Variants in PKD1L3 observed in about 807,000 individuals in gnomAD.
PKD1L3 encodes polycystin 1 like 3, transient receptor potential channel interacting.
Under a neutral mutation model 184.1 loss-of-function variants are expected in PKD1L3, and 239 were observed. The observed-to-expected ratio is 1.30, with a 90% CI of 1.17 to 1.45. The LOEUF (loss-of-function observed/expected upper bound fraction) is 1.45, where lower values mean the gene tolerates loss of function less well. Among genes scored for constraint, PKD1L3 ranks in the 40% most tolerant of loss-of-function variants. The pLI is 0.00. For missense variants in PKD1L3, 2,660 were observed against 2,067.2 expected (o/e 1.29, Z -5.56); for synonymous variants, 996 against 778.8 (o/e 1.28, Z -4.64).
chr16:71,937,962 C>T (rs576626198), intron 24 of PKD1L3, among the ~76,000 whole-genome samples: 19 of 152,296 alleles, frequency 1.2e-4, no homozygotes, highest in Admixed American at 9.8e-4. Context: ...GCCATGACAT[C>T]GGCTGCAGTG....
chr16:71,965,834 G>C (rs771444462), intron 15 of PKD1L3, among the ~76,000 whole-genome samples: 2 of 152,148 alleles, frequency 1.3e-5, no homozygotes, highest in Non-Finnish European at 2.9e-5. Flanking sequence ...GATTACAGGC[G>C]TGAGCCACTG....
At chr16:71,929,864 G>T in intron 29 of PKD1L3, 186 bp from the exon 30 acceptor site, 1 of 960,718 alleles carries the variant, frequency 1.0e-6, no homozygotes, top group Non-Finnish European at 1.5e-6. Context: ...TAGGACAATG[G>T]CTATAGAATA....
chr16:71,942,866 G>A lies in PKD1L3; in HGVS notation c.4018C>T (p.Leu1340Phe), dbSNP rs779877792. 6.3e-5 allele frequency: 98 copies of A among 1,551,554 alleles called. No individual in the cohort carries two copies. Among genetic ancestry groups the A allele is most frequent in the Non-Finnish European group, 7.8e-5 (89 of 1,146,980 alleles). The change falls in exon 24 of 30, where the codon CTT (leucine) becomes TTT (phenylalanine). Residue 1340 changes from leucine (L) to phenylalanine (F), a missense_variant. Leu to Phe is a conservative substitution (Grantham distance 22). Transcript: ENST00000620267. ...DFYPWANHIL[L>F]PSLYGDYRGK... ...CTGTAATCCCCATACAGGCTAGGAAGAAGGATATGATTGGCCCAGGGGTAG... is the reference window on the plus strand; with the variant it reads ...CTGTAATCCCCATACAGGCTAGGAAAAAGGATATGATTGGCCCAGGGGTAG...
intron 18 of PKD1L3, 88 bp downstream of exon 18, chr16:71,952,806 C>G: frequency 7.4e-7 from 1 of 1,359,130 alleles, no homozygotes; most frequent in Non-Finnish European, 9.9e-7. Flanking sequence ...CCACTACACT[C>G]CAGTCTGTGC....
rs1345679177 is a variant in PKD1L3, at chr16:71,982,176, C to T, written c.1026G>A (p.Gln342=). The T allele has an allele frequency of 3.9e-6, 6 of 1,549,214 alleles. No homozygotes were observed. Among genetic ancestry groups the T allele is most frequent in the Admixed American group, 3.9e-5 (2 of 50,692 alleles). The change falls in exon 7 of 30, where the codon CAG becomes CAA. Residue 342 remains glutamine, a synonymous_variant. Coordinates refer to ENST00000620267, the MANE Select transcript of PKD1L3 (RefSeq NM_181536.2). ...CTTTGAAGCCCAGACTGTTGTTGTTCTGAAATGGGATCCTGAGTAACTCCT... is the reference window on the plus strand; with the variant it reads ...CTTTGAAGCCCAGACTGTTGTTGTTTTGAAATGGGATCCTGAGTAACTCCT... ...LSEELLRIPF[Q]NNNSLGFKVP... is the part of the protein sequence containing the mutation.
intron 22 of PKD1L3, among the ~76,000 whole-genome samples, chr16:71,946,035 T>G (rs893064715): frequency 6.6e-6 from 1 of 152,174 alleles, no homozygotes; most frequent in African/African-American, 2.4e-5. Flanking sequence ...CTTGGCTCAC[T>G]GCAACCTCCG....
intron 15 of PKD1L3, among the ~76,000 whole-genome samples, chr16:71,964,496 G>A (rs553275439): frequency 2.2e-4 from 33 of 151,058 alleles, no homozygotes; most frequent in African/African-American, 7.0e-4. Flanking sequence ...GAGCCACCAC[G>A]CCCGGCTAGT....
At chr16:71,967,829 C>A in intron 14 of PKD1L3, 77 bp downstream of exon 14, 1 of 1,255,680 alleles carries the variant, frequency 8.0e-7, no homozygotes, top group South Asian at 1.4e-5. Context: ...TATTGGTTGC[C>A]AGGATATCAC....
intron 16 of PKD1L3, among the ~76,000 whole-genome samples, chr16:71,960,207 T>C (rs897977814): frequency 7.0e-6 from 1 of 143,222 alleles, no homozygotes; most frequent in African/African-American, 2.5e-5. Flanking sequence ...ACCTGTCAAT[T>C]TGACAATGTG....
chr16:71,945,436 T>G (rs2038565673), intron 22 of PKD1L3, among the ~76,000 whole-genome samples: 1 of 147,538 alleles, frequency 6.8e-6, no homozygotes, highest in African/African-American at 2.5e-5. Flanking sequence ...ATATATGTAT[T>G]GGGAGGCCAA....
intron 24 of PKD1L3, among the ~76,000 whole-genome samples, chr16:71,942,273 C>T (rs1344377045): frequency 6.6e-6 from 1 of 152,146 alleles, no homozygotes; most frequent in Non-Finnish European, 1.5e-5. Context: ...GCAGAGGGTA[C>T]AGAGAGCCAA....
intron 11 of PKD1L3, among the ~76,000 whole-genome samples, chr16:71,974,649 G>T (rs911566731): frequency 1.3e-5 from 2 of 152,112 alleles, no homozygotes; most frequent in African/African-American, 4.8e-5. Flanking sequence ...GCACCACTGC[G>T]CTCCACCCTG....
chr16:71,986,221 C>T lies in PKD1L3; in HGVS notation c.834G>A (p.Gln278=). ...LQVSLQKASG[Q]VIDEIAGNFS... is the part of the protein sequence containing the mutation. ...TGTGACTTGAATTTCCCATGTTTACCTGACCAGATGCCTTCTGCAATGACA... is the reference window on the plus strand; with the variant it reads ...TGTGACTTGAATTTCCCATGTTTACTTGACCAGATGCCTTCTGCAATGACA... Residue 278 remains glutamine (Q), a splice_region_variant and synonymous_variant, in exon 5 of 30, where the codon CAG becomes CAA. Transcript: ENST00000620267. 1 of 1,552,078 alleles carries T rather than the reference C, an allele frequency of 6.4e-7. No homozygotes were observed. The highest frequency in any genetic ancestry group is 8.7e-7 in the Non-Finnish European group (1 of 1,146,958).
In PKD1L3 at chr16:71,934,025, G is replaced by A. The variant is rs748613965; in HGVS notation, c.4714C>T (p.Arg1572Cys). ...LATVQLWNLL[R>C]HSPRLRVISR... Reference sequence around the variant, plus strand: ...ATGACCCGCAGCCTGGGGCTATGACGCAGCAGGTTCCATAACTGAACAGTT... The same window carrying A: ...ATGACCCGCAGCCTGGGGCTATGACACAGCAGGTTCCATAACTGAACAGTT... The change falls in exon 27 of 30, where the codon CGT (arginine) becomes TGT (cysteine). Residue 1572 changes from arginine (R) to cysteine (C), a missense_variant. Coordinates refer to ENST00000620267, the MANE Select transcript of PKD1L3 (RefSeq NM_181536.2). 6.0e-5 allele frequency: 93 copies of A among 1,551,676 alleles called. No homozygotes were observed. The Middle Eastern group carries it at 6.6e-4, about 11-fold the overall frequency.
At chr16:71,946,444 G>A (rs914363282) in intron 22 of PKD1L3, among the ~76,000 whole-genome samples, 5 of 151,996 alleles carry the variant, frequency 3.3e-5, no homozygotes, top group African/African-American at 4.8e-5. Flanking sequence ...GACATGCATC[G>A]TTTTTACATG....
In PKD1L3 at chr16:71,961,675, G is replaced by C. The variant is rs74373776; in HGVS notation, c.2612+1530C>G. 5.0e-3 allele frequency among the ~76,000 whole-genome samples: 763 copies of C among 152,206 alleles called. 10 individuals carry two copies. The highest frequency in any genetic ancestry group is 0.018 in the African/African-American group (730 of 41,534). On this transcript the variant is annotated intron_variant, in intron 16 of 29. Coordinates refer to ENST00000620267, the MANE Select transcript of PKD1L3 (RefSeq NM_181536.2). Reference sequence around the variant, plus strand: ...GAAATCTAACACAGAGGAGCTTACAGATGAGTAACAGACCCAGCCAGGATG... The same window carrying C: ...GAAATCTAACACAGAGGAGCTTACACATGAGTAACAGACCCAGCCAGGATG...
chr16:71,992,702 G>A (rs1332924337), intron 3 of PKD1L3, among the ~76,000 whole-genome samples: 1 of 152,112 alleles, frequency 6.6e-6, no homozygotes, highest in Non-Finnish European at 1.5e-5. Context: ...TATTTAAAGG[G>A]TTTGTTGATC....
chr16:71,942,402 G>T (rs1243881698), intron 24 of PKD1L3, among the ~76,000 whole-genome samples, 158 bp downstream of exon 24: 1 of 151,000 alleles, frequency 6.6e-6, no homozygotes, highest in Non-Finnish European at 1.5e-5. Context: ...TGTGATGGGA[G>T]AATAAAAACA....
chr16:71,966,013 G>A (rs951599466), intron 15 of PKD1L3, among the ~76,000 whole-genome samples: 3 of 151,850 alleles, frequency 2.0e-5, no homozygotes, highest in African/African-American at 7.2e-5. Context: ...GCTGATTTGT[G>A]CATACTGGAA....
Sources: allele counts gnomAD v4.1 joint callset (sites outside exome capture counted in the v4.1 genomes callset), GRCh38; gene constraint gnomAD v4.1.1; transcripts MANE v1.5; gene names NCBI Gene and HGNC (gene_info 2026-07-23, HGNC 2026-07-21).